The following NAALADL2 variants were observed in gnomAD, a reference collection of about 807,000 sequenced individuals.
NAALADL2 encodes the protein N-acetylated alpha-linked acidic dipeptidase like 2, also known as inactive N-acetylated-alpha-linked acidic dipeptidase-like protein 2.
NAALADL2 carries 76 observed loss-of-function variants against 87.2 expected under a neutral mutation model. That is an observed-to-expected ratio of 0.87 (90% CI 0.72 to 1.05). The LOEUF is 1.05. Ranked by LOEUF, NAALADL2 falls within the 50% of genes least tolerant of loss-of-function variation. The pLI, the probability that NAALADL2 is intolerant of heterozygous loss-of-function variation, is 0.00. For missense variants in NAALADL2, 1,089 were observed against 945.8 expected, an observed-to-expected ratio of 1.15 and a Z score of -1.99; for synonymous variants, 354 against 331.0, an observed-to-expected ratio of 1.07 and a Z score of -0.75.
chr3:175,718,652 C>T, intron 11 of NAALADL2: 2 of 1,581,226 alleles, frequency 1.3e-6, no homozygotes, highest in Non-Finnish European at 8.7e-7. Context: ...TACTCCCGAG[C>T]CCGTGGTGGC....
At chr3:175,683,888 G>A (rs1735932228) in intron 11 of NAALADL2, among the ~76,000 whole-genome samples, 1 of 151,986 alleles carries the variant, frequency 6.6e-6, no homozygotes, top group Non-Finnish European at 1.5e-5. Context: ...GCCTACAAGT[G>A]AGACAAAGTG....
At chr3:175,146,642 A>G (rs995514616) in intron 2 of NAALADL2, among the ~76,000 whole-genome samples, 1 of 152,072 alleles carries the variant, frequency 6.6e-6, no homozygotes, top group Non-Finnish European at 1.5e-5. Context: ...CAATCACATG[A>G]ACTAAGAAGA....
At chr3:174,989,310 A>C (rs1198502950) in intron 1 of NAALADL2, among the ~76,000 whole-genome samples, 2 of 152,196 alleles carry the variant, frequency 1.3e-5, no homozygotes, top group Non-Finnish European at 2.9e-5. Flanking sequence ...CAGACAGATA[A>C]GTTTTTAGGG....
intron 1 of NAALADL2, among the ~76,000 whole-genome samples, chr3:174,882,536 CAT>C (rs1327213533): frequency 6.3e-5 from 9 of 142,974 alleles, no homozygotes; most frequent in African/African-American, 2.6e-4. Context: ...CACATATATG[CAT>C]ACACACATAT....
intron 9 of NAALADL2, among the ~76,000 whole-genome samples, chr3:175,492,122 C>A (rs751955679): frequency 1.3e-5 from 2 of 152,114 alleles, no homozygotes; most frequent in Admixed American, 6.6e-5. Flanking sequence ...AGAATTTCCA[C>A]GGTAAAATGT....
chr3:174,827,523 T>G (rs1560263749), intron 3 of NAALADL2, among the ~76,000 whole-genome samples: 1 of 152,238 alleles, frequency 6.6e-6, no homozygotes, highest in Non-Finnish European at 1.5e-5. Context: ...GTTCATCTTG[T>G]ACTCTTAGAT....
At chr3:175,516,295 T>C (rs1333575161) in intron 9 of NAALADL2, among the ~76,000 whole-genome samples, 1 of 152,218 alleles carries the variant, frequency 6.6e-6, no homozygotes, top group African/African-American at 2.4e-5. Context: ...CCCATATCTC[T>C]TCAGGCTGAG....
At chr3:174,953,545 C>T (rs916757888) in intron 1 of NAALADL2, among the ~76,000 whole-genome samples, 2 of 151,666 alleles carry the variant, frequency 1.3e-5, no homozygotes, top group African/African-American at 4.8e-5. Context: ...TCATTGTTGC[C>T]TCCTTTGTAT....
intron 9 of NAALADL2, among the ~76,000 whole-genome samples, chr3:175,474,909 C>T (rs1315694783): frequency 2.6e-5 from 4 of 151,974 alleles, no homozygotes; most frequent in African/African-American, 9.7e-5. Flanking sequence ...TGCTCTGCCC[C>T]AAGTCCCCAG....
chr3:174,811,804 T>C (rs1315563154), intron 3 of NAALADL2, among the ~76,000 whole-genome samples: 2 of 152,200 alleles, frequency 1.3e-5, no homozygotes, highest in African/African-American at 4.8e-5. Flanking sequence ...CCAAACTTCA[T>C]GTTGAATTAT....
rs2108370695 is a variant in NAALADL2, at chr3:175,805,121, A to C, written c.*1918A>C. On this transcript the variant is annotated 3_prime_UTR_variant, in exon 14 of 14. Transcript: ENST00000454872. ...AAGCCCAAAAGCTAGAAAGCCTTATATTTAACCAAAGGTTGATGTGTTCAT... is the reference window on the plus strand; with the variant it reads ...AAGCCCAAAAGCTAGAAAGCCTTATCTTTAACCAAAGGTTGATGTGTTCAT... The C allele has an allele frequency of 6.6e-6, 1 of 152,034 alleles. No individual in the cohort carries two copies. The highest frequency in any genetic ancestry group is 1.9e-4 in the East Asian group (1 of 5,168). 9.4% of individuals were successfully genotyped at this position (152,034 alleles called of 1,614,324 possible).
intron 2 of NAALADL2, among the ~76,000 whole-genome samples, chr3:174,654,936 C>T (rs1312851595): frequency 2.6e-5 from 4 of 151,996 alleles, no homozygotes; most frequent in Admixed American, 6.6e-5. Flanking sequence ...GGGGTTTCAC[C>T]GTGTTAGCCA....
chr3:175,311,309 A>G (rs930803726), intron 4 of NAALADL2, among the ~76,000 whole-genome samples: 2 of 152,100 alleles, frequency 1.3e-5, no homozygotes, highest in African/African-American at 4.8e-5. Flanking sequence ...GAATTTAAAA[A>G]AGAAATCTAT....
rs532093968 is a variant in NAALADL2 at position 175,524,160 on chromosome 3, T to A, written c.1654-51881T>A. On this transcript the variant is annotated intron_variant, in intron 9 of 13. Coordinates refer to ENST00000454872, the MANE Select transcript of NAALADL2 (RefSeq NM_207015.3). ...AATCTACGATTTTAGGAAGATCAAC[T>A]GTGATATGTCTTCAGGATAATTTGA... Among the ~76,000 whole-genome samples the A allele has an allele frequency of 7.9e-5, 12 of 152,348 alleles. No individual in the cohort carries two copies. The East Asian group carries it at 2.3e-3, about 29-fold the overall frequency.
intron 5 of NAALADL2, among the ~76,000 whole-genome samples, chr3:175,432,655 C>T (rs1171475089): frequency 1.3e-5 from 2 of 151,876 alleles, no homozygotes; most frequent in African/African-American, 2.4e-5. Context: ...CTGTAGAGTT[C>T]GAAACATATA....
At chr3:175,162,894 G>A (rs1733445878) in intron 2 of NAALADL2, among the ~76,000 whole-genome samples, 1 of 151,970 alleles carries the variant, frequency 6.6e-6, no homozygotes, top group East Asian at 1.9e-4. Flanking sequence ...AACATTTTCT[G>A]ACCATACAAA....
intron 2 of NAALADL2, among the ~76,000 whole-genome samples, chr3:175,191,716 A>G (rs1050713043): frequency 7.2e-5 from 11 of 152,218 alleles, no homozygotes; most frequent in Non-Finnish European, 1.6e-4. Context: ...TTTTATAGCA[A>G]GCATAGTTTT....
At chr3:175,738,314 C>A (rs1744791970) in intron 12 of NAALADL2, among the ~76,000 whole-genome samples, 1 of 151,666 alleles carries the variant, frequency 6.6e-6, no homozygotes, top group Admixed American at 6.6e-5. Flanking sequence ...GTGGTGCGAT[C>A]TCAGCTCACT....
At chr3:175,761,809 T>C (rs747617733) in intron 13 of NAALADL2, among the ~76,000 whole-genome samples, 1 of 152,246 alleles carries the variant, frequency 6.6e-6, no homozygotes, top group Non-Finnish European at 1.5e-5. Context: ...TTTGATGTGA[T>C]ATCTGTTCAG....
Sources: allele counts gnomAD v4.1 joint callset (sites outside exome capture counted in the v4.1 genomes callset), GRCh38; gene constraint gnomAD v4.1.1; transcripts MANE v1.5; gene names NCBI Gene and HGNC (gene_info 2026-07-23, HGNC 2026-07-21).